The following SLC39A10 variants were observed in gnomAD, a reference collection of about 807,000 sequenced individuals.
The protein encoded by SLC39A10 is solute carrier family 39 member 10.
SLC39A10 carries 13 observed loss-of-function variants against 65.1 expected under a neutral mutation model. The ratio of observed to expected loss-of-function variants is 0.20; its 90% CI spans 0.13 to 0.32. The LOEUF (loss-of-function observed/expected upper bound fraction) is 0.32. Ranked by LOEUF, SLC39A10 falls within the 10% of genes least tolerant of loss-of-function variation. The pLI is 1.00. For missense variants in SLC39A10, 831 were observed against 1,018.4 expected (o/e 0.82, Z 2.50); for synonymous variants, 321 against 342.2 (o/e 0.94, Z 0.68).
At chr2:195,707,288 T>C (rs1691439541) in intron 4 of SLC39A10, among the ~76,000 whole-genome samples, 1 of 152,188 alleles carries the variant, frequency 6.6e-6, no homozygotes, top group Admixed American at 6.5e-5. Context: ...CACAAGCCCA[T>C]ATTCCTAGTA....
chr2:195,704,455 A>C (rs1415834340), intron 3 of SLC39A10, among the ~76,000 whole-genome samples: 1 of 152,096 alleles, frequency 6.6e-6, no homozygotes, highest in Non-Finnish European at 1.5e-5. Context: ...CTTCAATATG[A>C]TTGGATCTAG....
At chr2:195,678,886 A>G (rs1453448510) in intron 1 of SLC39A10, among the ~76,000 whole-genome samples, 2 of 152,210 alleles carry the variant, frequency 1.3e-5, no homozygotes, top group Non-Finnish European at 1.5e-5. Context: ...TGGGTTAAAT[A>G]GAATAGTATG....
At chr2:195,657,872 ACGG>A (rs1405116353) in intron 1 of SLC39A10, among the ~76,000 whole-genome samples, 20 of 152,182 alleles carry the variant, frequency 1.3e-4, no homozygotes, top group African/African-American at 4.8e-4. Flanking sequence ...AGGCTAACGG[ACGG>A]CGGCGCCTCT....
chr2:195,624,982 G>A (rs1314655027), intron 2 of SLC39A10, among the ~76,000 whole-genome samples: 1 of 151,074 alleles, frequency 6.6e-6, no homozygotes, highest in Non-Finnish European at 1.5e-5. Context: ...AAAGACCGAG[G>A]CGGGTGGATC....
chr2:195,658,897 AGAATGATGGTT>A (rs1689271263), intron 1 of SLC39A10, among the ~76,000 whole-genome samples: 1 of 152,262 alleles, frequency 6.6e-6, no homozygotes, highest in African/African-American at 2.4e-5. Context: ...GATGAACCAC[AGAATGATGGTT>A]TTAAATGTAT....
At chr2:195,668,591 A>G (rs897095335) in intron 1 of SLC39A10, among the ~76,000 whole-genome samples, 4 of 152,258 alleles carry the variant, frequency 2.6e-5, no homozygotes, top group African/African-American at 7.2e-5. Flanking sequence ...ACACATGGGT[A>G]TGAAAGAAAG....
chr2:195,723,192 CA>C (rs1692112336), intron 8 of SLC39A10, among the ~76,000 whole-genome samples: 1 of 152,174 alleles, frequency 6.6e-6, no homozygotes. Flanking sequence ...ACTCACATCT[CA>C]TTTTGTGTTT....
chr2:195,639,121 A>G (rs929736341), intron 2 of SLC39A10, among the ~76,000 whole-genome samples: 42 of 152,016 alleles, frequency 2.8e-4, no homozygotes, highest in African/African-American at 9.4e-4. Flanking sequence ...ATGCTTGGCG[A>G]ATTTTCAGAT....
intron 3 of SLC39A10, among the ~76,000 whole-genome samples, chr2:195,701,040 T>C (rs1276608970): frequency 7.7e-6 from 1 of 129,856 alleles, no homozygotes; most frequent in Non-Finnish European, 1.6e-5. Context: ...TTCATCTTAC[T>C]TGACTTCTAC....
chr2:195,693,994 T>C (rs1253494581), intron 3 of SLC39A10, among the ~76,000 whole-genome samples: 3 of 152,166 alleles, frequency 2.0e-5, no homozygotes, highest in Non-Finnish European at 2.9e-5. Context: ...TTTTGATAGG[T>C]TGTGTCACTA....
chr2:195,620,399 C>T (rs1688325133), intron 2 of SLC39A10, among the ~76,000 whole-genome samples: 1 of 152,166 alleles, frequency 6.6e-6, no homozygotes, highest in Non-Finnish European at 1.5e-5. Flanking sequence ...TGTAGAAATA[C>T]TTCCCCAGAG....
chr2:195,665,908 A>G lies in SLC39A10; in HGVS notation c.-12+8627A>G, dbSNP rs75617988. ...ACTCCAGTTTCTCCGTACAATTTTC[A>G]TTGTAATTTTGGTTTAGAACAGTAA... On this transcript the variant is annotated intron_variant, in intron 1 of 9. Coordinates refer to ENST00000359634, the MANE Select transcript of SLC39A10 (RefSeq NM_020342.3). 9.1e-3 allele frequency among the ~76,000 whole-genome samples: 1,378 copies of G among 152,210 alleles called. 42 individuals carry two copies. The highest frequency in any genetic ancestry group is 0.082 in the East Asian group (423 of 5,180).
At chr2:195,643,323 AAGG>A (rs1172496358) in intron 2 of SLC39A10, among the ~76,000 whole-genome samples, 2 of 152,162 alleles carry the variant, frequency 1.3e-5, no homozygotes, top group African/African-American at 4.8e-5. Flanking sequence ...TGGCAGAGAA[AAGG>A]AGGAGAGAGA....
intron 8 of SLC39A10, among the ~76,000 whole-genome samples, chr2:195,720,337 G>T (rs1038848930): frequency 6.6e-6 from 1 of 151,894 alleles, no homozygotes; most frequent in African/African-American, 2.4e-5. Flanking sequence ...ATACTACTTT[G>T]GTTTTCTTCT....
intron 2 of SLC39A10, among the ~76,000 whole-genome samples, chr2:195,616,986 A>C (rs1688229852): frequency 6.6e-6 from 1 of 152,144 alleles, no homozygotes; most frequent in African/African-American, 2.4e-5. Context: ...TTGCTGGCCT[A>C]TCAGTTTTTG....
intron 3 of SLC39A10, among the ~76,000 whole-genome samples, chr2:195,685,779 T>C (rs1162453546): frequency 6.6e-6 from 1 of 152,202 alleles, no homozygotes; most frequent in African/African-American, 2.4e-5. Context: ...ATTAATCTGT[T>C]TTTGTTGGAC....
At chr2:195,626,676 C>G (rs1688481240) in intron 2 of SLC39A10, among the ~76,000 whole-genome samples, 2 of 152,092 alleles carry the variant, frequency 1.3e-5, no homozygotes, top group African/African-American at 4.8e-5. Flanking sequence ...ACCTATCTAG[C>G]TTTTAGGGAA....
chr2:195,729,775 C>G (rs1197266300), intron 9 of SLC39A10, among the ~76,000 whole-genome samples: 3 of 151,840 alleles, frequency 2.0e-5, no homozygotes, highest in African/African-American at 7.3e-5. Flanking sequence ...TTGCTGCTCT[C>G]TTTTAGGATA....
At chr2:195,727,207 C>T (rs569191515) in intron 8 of SLC39A10, among the ~76,000 whole-genome samples, 49 of 150,826 alleles carry the variant, frequency 3.2e-4, no homozygotes, top group African/African-American at 1.2e-3. Context: ...GAGGGGGTGG[C>T]GGGAGGAGAG....
Sources: gnomAD v4.1 joint callset for allele counts (sites outside exome capture counted in the v4.1 genomes callset) on GRCh38, gnomAD v4.1.1 for gene constraint, MANE v1.5 for transcripts, NCBI Gene and HGNC (gene_info 2026-07-23, HGNC 2026-07-21) for gene names.